The following DNAAF9 variants were observed in gnomAD, a reference collection of about 807,000 sequenced individuals.
DNAAF9 encodes the protein dynein axonemal assembly factor 9.
DNAAF9 carries 90 observed loss-of-function variants against 167.0 expected under a neutral mutation model. The observed-to-expected ratio is 0.54, with a 90% CI of 0.45 to 0.64. The LOEUF (loss-of-function observed/expected upper bound fraction) is 0.64. Among genes scored for constraint, DNAAF9 ranks in the 30% least tolerant of loss-of-function variants. The pLI is 0.00. For synonymous variants in DNAAF9, 491 were observed against 508.8 expected, an observed-to-expected ratio of 0.96 and a Z score of 0.47; for missense variants, 1,315 against 1,442.2, an observed-to-expected ratio of 0.91 and a Z score of 1.43.
In DNAAF9 at chr20:3,304,499, G is replaced by A. The variant is rs201930279; in HGVS notation, c.1723C>T (p.Arg575Cys). ...FSSGLLFSHC[R>C]HRSIIISKDH... ...TTGGAAATGATGATACTTCTATGAC[G>A]ACAGTGAGAAAACAGAAGGCCACTA... The change falls in exon 21 of 37, where the codon CGT becomes TGT. Residue 575 changes from arginine (R) to cysteine (C), a missense_variant. Physicochemically the swap from Arg to Cys is radical, Grantham distance 180. Coordinates refer to ENST00000252032, the MANE Select transcript of DNAAF9 (RefSeq NM_001009984.3). 3 of 1,520,744 alleles carry A rather than the reference G, an allele frequency of 2.0e-6. No individual in the cohort carries two copies. The highest frequency in any genetic ancestry group is 1.4e-5 in the African/African-American group (1 of 73,144). 94.2% of individuals were successfully genotyped at this position (1,520,744 alleles called of 1,614,324 possible).
intron 7 of DNAAF9, among the ~76,000 whole-genome samples, chr20:3,357,417 A>G (rs901242246): frequency 6.6e-6 from 1 of 152,102 alleles, no homozygotes; most frequent in African/African-American, 2.4e-5. Flanking sequence ...AGTTGCAGTG[A>G]GCCAAGATCG....
intron 29 of DNAAF9, 35 bp from the exon 30 acceptor site, chr20:3,270,597 A>G: frequency 1.2e-6 from 2 of 1,602,464 alleles, no homozygotes; most frequent in Non-Finnish European, 1.7e-6. Flanking sequence ...TAGCCTTCAC[A>G]GTCCTGGTTA....
At chr20:3,259,805 T>C in intron 32 of DNAAF9, 117 bp downstream of exon 32, 1 of 704,626 alleles carries the variant, frequency 1.4e-6, no homozygotes, top group East Asian at 2.7e-5. Context: ...TGTCTACTTT[T>C]GGTTTCAAAA....
chr20:3,295,552 G>A (rs2069057827), intron 23 of DNAAF9: 3 of 347,624 alleles, frequency 8.6e-6, no homozygotes, highest in South Asian at 4.7e-5. Context: ...TCTACAATGA[G>A]CAGTCACGAA....
chr20:3,376,142 G>C (rs1367967542), intron 4 of DNAAF9, 36 bp downstream of exon 4: 1 of 1,591,052 alleles, frequency 6.3e-7, no homozygotes, highest in Non-Finnish European at 8.6e-7. Flanking sequence ...TATTCTTAGA[G>C]TGTCTCTAGG....
intron 23 of DNAAF9, among the ~76,000 whole-genome samples, chr20:3,295,236 G>C (rs997345114): frequency 5.3e-5 from 8 of 151,538 alleles, no homozygotes; most frequent in Admixed American, 5.3e-4. Context: ...GCAGTGGCAC[G>C]ATCTCGGCTC....
chr20:3,281,756 C>A lies in DNAAF9; in HGVS notation c.2497G>T (p.Val833Phe). The A allele has an allele frequency of 6.2e-7, 1 of 1,611,138 alleles. No homozygotes were observed. The highest frequency in any genetic ancestry group is 8.5e-7 in the Non-Finnish European group (1 of 1,178,890). ...LLVVLQGYTD[V>F]IDVVQALQTH... ...TGCAGGGCCTGGACAACATCAATAACATCTGTGTAGCTGGGGAAGGTAAAA... is the reference window on the plus strand; with the variant it reads ...TGCAGGGCCTGGACAACATCAATAAAATCTGTGTAGCTGGGGAAGGTAAAA... Residue 833 changes from valine to phenylalanine, a missense_variant, in exon 28 of 37, where the codon GTT becomes TTT. Physicochemically the swap from Val to Phe is conservative, Grantham distance 50 (BLOSUM62 -1). Around this residue, in one of 2 missense-constraint regions of DNAAF9, gnomAD observed 334 missense variants for 429.7 expected, o/e 0.78. Coordinates refer to ENST00000252032, the MANE Select transcript of DNAAF9 (RefSeq NM_001009984.3).
Position 3,281,663 on chromosome 20 carries a change from T to C in DNAAF9, c.2590A>G (p.Met864Val), listed in dbSNP as rs1349285603. Residue 864 changes from methionine (M) to valine (V), a missense_variant, in exon 28 of 37, where the codon ATG becomes GTG. By Grantham distance (21) the Met-to-Val change is conservative. Around this residue, in one of 2 missense-constraint regions of DNAAF9, gnomAD observed 334 missense variants for 429.7 expected, o/e 0.78. Transcript: ENST00000252032. ...IGAITACVEP[M>V]SCYMEHRFLF... The stretch of plus-strand genomic sequence containing the variant: ...TACCTGTGCTCCATGTAGCAGCTCA[T>C]GGGCTCCACACATGCTGTGATGGCA... The C allele has an allele frequency of 2.5e-6, 4 of 1,612,088 alleles. No homozygotes were observed. Among genetic ancestry groups the C allele is most frequent in the Non-Finnish European group, 2.5e-6 (3 of 1,179,240 alleles).
chr20:3,337,975 TATAAAATATATAATAC>T (rs56014020), intron 10 of DNAAF9, among the ~76,000 whole-genome samples: 109,358 of 147,378 alleles, frequency 0.74, 40,820 homozygotes, highest in African/African-American at 0.82. Context: ...ATATATAATA[TATAAAATATATAATAC>T]ATAACATATA....
intron 10 of DNAAF9, 115 bp from the exon 11 acceptor site, chr20:3,332,476 C>CA: frequency 1.8e-6 from 1 of 553,764 alleles, no homozygotes; most frequent in South Asian, 2.0e-5. Context: ...TTTTTTGAGA[C>CA]AGAGTCTTAC....
intron 30 of DNAAF9, among the ~76,000 whole-genome samples, chr20:3,269,426 C>T (rs569599294): frequency 6.6e-6 from 1 of 152,064 alleles, no homozygotes; most frequent in South Asian, 2.1e-4. Context: ...TTTACCCAGG[C>T]TGGTCTTGAA....
At chr20:3,299,000 C>T (rs1014517008) in intron 21 of DNAAF9, among the ~76,000 whole-genome samples, 4 of 151,430 alleles carry the variant, frequency 2.6e-5, no homozygotes, top group Admixed American at 6.6e-5. Context: ...CCCCCGCCTC[C>T]TGGGTTCAAG....
chr20:3,287,560 AC>A (rs1374918169), intron 27 of DNAAF9, 71 bp downstream of exon 27: 1 of 1,436,226 alleles, frequency 7.0e-7, no homozygotes, highest in Non-Finnish European at 9.8e-7. Context: ...CAGGTTTGTT[AC>A]ACATAAAATA....
At chr20:3,337,329 T>C (rs2069978567) in intron 10 of DNAAF9, among the ~76,000 whole-genome samples, 1 of 150,820 alleles carries the variant, frequency 6.6e-6, no homozygotes, top group Non-Finnish European at 1.5e-5. Context: ...AGTGGCGTCA[T>C]CTTGGCTCAC....
intron 10 of DNAAF9, among the ~76,000 whole-genome samples, chr20:3,334,743 T>C (rs531644853): frequency 6.6e-6 from 1 of 152,354 alleles, no homozygotes; most frequent in East Asian, 1.9e-4. Context: ...ATTTTAGCCA[T>C]TCTAATAGGC....
chr20:3,283,156 C>T (rs748730054), intron 27 of DNAAF9, among the ~76,000 whole-genome samples: 26 of 152,130 alleles, frequency 1.7e-4, no homozygotes, highest in Admixed American at 1.0e-3. Context: ...CTGATTGATC[C>T]GGCCTATCAC....
intron 11 of DNAAF9, 54 bp downstream of exon 11, chr20:3,332,226 G>A: frequency 6.4e-6 from 6 of 939,098 alleles, no homozygotes; most frequent in South Asian, 4.2e-5. Flanking sequence ...TCTAGTTCAT[G>A]GGACAGACTA....
rs2068168644 is a variant in DNAAF9 at position 3,249,513 on chromosome 20, AGT to A, written c.*3057_*3058del. 1 of 152,258 alleles carries A rather than the reference AGT, an allele frequency of 6.6e-6. No homozygotes were observed. Among genetic ancestry groups the A allele is most frequent in the Non-Finnish European group, 1.5e-5 (1 of 68,044 alleles). 9.4% of individuals were successfully genotyped at this position (152,258 alleles called of 1,614,324 possible). ...AATTCAGTTTCACTGAAGTTACAGTAGTGTTTGTAAATACGAGTTTTAAAATT... is the reference window on the plus strand; with the variant it reads ...AATTCAGTTTCACTGAAGTTACAGTAGTTTGTAAATACGAGTTTTAAAATT... On this transcript the variant is annotated 3_prime_UTR_variant, in exon 37 of 37. Transcript: ENST00000252032.
intron 13 of DNAAF9, among the ~76,000 whole-genome samples, chr20:3,325,664 T>A (rs1418878515): frequency 2.4e-4 from 37 of 152,176 alleles, no homozygotes; most frequent in Admixed American, 2.4e-3. Context: ...CTCATCTCCT[T>A]ACTGGGTCAG....
Sources: gnomAD v4.1 joint callset for allele counts (sites outside exome capture counted in the v4.1 genomes callset) on GRCh38, gnomAD v4.1.1 for gene constraint, gnomAD v4.1.1 regional missense constraint, MANE v1.5 for transcripts, NCBI Gene and HGNC (gene_info 2026-07-23, HGNC 2026-07-21) for gene names.